Variants in AGO2 observed in about 807,000 individuals in gnomAD.
AGO2 encodes the protein argonaute RISC catalytic component 2.
A neutral mutation model predicts 102.3 loss-of-function variants in AGO2; 5 were observed. That is an observed-to-expected ratio of 0.05 (90% CI 0.03 to 0.10). The LOEUF (loss-of-function observed/expected upper bound fraction) is 0.10, where lower values mean the gene tolerates loss of function less well. AGO2 is among the 10% of genes least tolerant of loss of function. The probability of loss-of-function intolerance (pLI) is 1.00; values close to 1 mark genes in which losing one functional copy is unlikely to be tolerated. For synonymous variants in AGO2, 449 were observed against 473.1 expected (o/e 0.95, Z 0.66); for missense variants, 541 against 1,183.7 (o/e 0.46, Z 7.97).
At chr8:140,548,330 A>T (rs1400764408) in intron 12 of AGO2, among the ~76,000 whole-genome samples, 4 of 151,812 alleles carry the variant, frequency 2.6e-5, no homozygotes, top group Non-Finnish European at 5.9e-5. Flanking sequence ...AAAAAAAAAA[A>T]AAAGGAAAAG....
intron 10 of AGO2, 23 bp from the exon 11 acceptor site, chr8:140,551,459 G>A (rs779916623): frequency 6.6e-7 from 1 of 1,505,640 alleles, no homozygotes; most frequent in South Asian, 1.3e-5. Context: ...AAAGGTTCAG[G>A]GTGAGAAAAA....
In AGO2 at chr8:140,567,477, C is replaced by T. The variant is rs142346970; in HGVS notation, c.337-4843G>A. ...GGTCACTCCCAGCCCTGCTGCCTCC[C>T]GTGTTCTAACCTCGGGCAGGTGGCT... On this transcript the variant is annotated intron_variant, in intron 3 of 18. Transcript: ENST00000220592. The surrounding 1 kb of genome is among the most constrained non-coding windows in gnomAD (Gnocchi z 5.0). Among the ~76,000 whole-genome samples, 110 of 152,354 alleles carry T rather than the reference C, an allele frequency of 7.2e-4. 1 individual carries two copies. The East Asian group carries it at 0.021, about 29-fold the overall frequency.
chr8:140,606,496 A>C (rs1349734191), intron 1 of AGO2, among the ~76,000 whole-genome samples: 1 of 152,248 alleles, frequency 6.6e-6, no homozygotes, highest in Non-Finnish European at 1.5e-5. Flanking sequence ...GAACCTCTCC[A>C]CAGCATTAAG....
chr8:140,574,470 C>T (rs2073434845), intron 2 of AGO2, among the ~76,000 whole-genome samples: 1 of 152,036 alleles, frequency 6.6e-6, no homozygotes. Flanking sequence ...CCTTATGTTG[C>T]TCAGGCTGGT....
At position 140,557,578 on chromosome 8, in the gene AGO2, T is replaced by C. The variant is rs2073119563; in HGVS notation, c.879-342A>G. On this transcript the variant is annotated intron_variant, in intron 7 of 18. Coordinates refer to ENST00000220592, the MANE Select transcript of AGO2 (RefSeq NM_012154.5). The surrounding 1 kb of genome is among the most constrained non-coding windows in gnomAD (Gnocchi z 5.9). ...AGACCGTGGTGACCCTGGAAGCCTT[T>C]TACGTGCCGCGCGCTCCCGGTGCCC... Among the ~76,000 whole-genome samples, 1 of 152,176 alleles carries C rather than the reference T, an allele frequency of 6.6e-6. No homozygotes were observed. The highest frequency in any genetic ancestry group is 6.5e-5 in the Admixed American group (1 of 15,282).
chr8:140,555,865 A>G, intron 10 of AGO2, 31 bp downstream of exon 10: 1 of 1,604,532 alleles, frequency 6.2e-7, no homozygotes, highest in Non-Finnish European at 8.5e-7. Context: ...CATGCCCCGC[A>G]GCCACACGTT....
In AGO2 at chr8:140,568,287, G is replaced by GGAAAAAA. The variant is rs545519047; in HGVS notation, c.336+4524_336+4525insTTTTTTC. Among the ~76,000 whole-genome samples, 3 of 132,076 alleles carry GGAAAAAA rather than the reference G, an allele frequency of 2.3e-5. 1 individual carries two copies. The highest frequency in any genetic ancestry group is 9.1e-5 in the African/African-American group (3 of 32,800). The allele number at this position is 132,076 out of a possible 152,430, so 86.6% of individuals were successfully genotyped here. On this transcript the variant is annotated intron_variant, in intron 3 of 18. Coordinates refer to ENST00000220592, the MANE Select transcript of AGO2 (RefSeq NM_012154.5). ...TGACAGAGCGAGACCATGTCTGGGG[G>GGAAAAAA]AAAAAAAAAAAAAGAGAGAGCACAA...
chr8:140,572,697 TCTC>T (rs2073398886), intron 3 of AGO2, 112 bp downstream of exon 3: 2 of 1,423,182 alleles, frequency 1.4e-6, no homozygotes, highest in African/African-American at 1.4e-5. Flanking sequence ...TGAACTGCTC[TCTC>T]CTCCTCAGTG....
At chr8:140,613,827 G>C (rs2074108894) in intron 1 of AGO2, among the ~76,000 whole-genome samples, 1 of 150,654 alleles carries the variant, frequency 6.6e-6, no homozygotes, top group Non-Finnish European at 1.5e-5. Context: ...ACCAGCCTGG[G>C]CAACACAGAG....
At chr8:140,608,518 C>G (rs2074034246) in intron 1 of AGO2, among the ~76,000 whole-genome samples, 1 of 152,252 alleles carries the variant, frequency 6.6e-6, no homozygotes, top group African/African-American at 2.4e-5. Flanking sequence ...CTGCCCGCAG[C>G]CGGCAGGCAG....
At chr8:140,628,504 T>C (rs1406398695) in intron 1 of AGO2, among the ~76,000 whole-genome samples, 1 of 152,220 alleles carries the variant, frequency 6.6e-6, no homozygotes, top group African/African-American at 2.4e-5. Context: ...CAGATGCTTC[T>C]GAGAAATGCT....
intron 1 of AGO2, chr8:140,592,011 T>C (rs929049934): frequency 6.6e-6 from 1 of 152,108 alleles, no homozygotes; most frequent in Non-Finnish European, 1.5e-5. Flanking sequence ...TCCCAGCTAT[T>C]TGGGAGGCTG....
upstream of AGO2, among the ~76,000 whole-genome samples, chr8:140,638,702 G>A (rs1406237311): frequency 6.6e-6 from 1 of 152,080 alleles, no homozygotes; most frequent in Non-Finnish European, 1.5e-5. Flanking sequence ...AGCCTCCTGA[G>A]CAGCTGGGAC....
intron 1 of AGO2, among the ~76,000 whole-genome samples, chr8:140,615,154 G>C (rs866816563): frequency 3.9e-5 from 6 of 152,350 alleles, no homozygotes; most frequent in Middle Eastern, 3.4e-3. Flanking sequence ...GGGAGGCTGA[G>C]ATGGGAGGAT....
intron 2 of AGO2, among the ~76,000 whole-genome samples, chr8:140,580,686 C>T (rs2073543676): frequency 6.6e-6 from 1 of 152,232 alleles, no homozygotes; most frequent in South Asian, 2.1e-4. Context: ...GAAGGTGGGT[C>T]ATGGGAGGAG....
chr8:140,578,677 AAGAG>A (rs1258770830), intron 2 of AGO2, among the ~76,000 whole-genome samples: 4 of 152,206 alleles, frequency 2.6e-5, no homozygotes, highest in African/African-American at 9.6e-5. Context: ...CCCAGCCTCT[AAGAG>A]AGTGACCCAT....
chr8:140,613,976 A>G (rs2074110470), intron 1 of AGO2, among the ~76,000 whole-genome samples: 1 of 138,148 alleles, frequency 7.2e-6, no homozygotes, highest in African/African-American at 2.7e-5. Flanking sequence ...GATCATCCCC[A>G]ACGCACTCCA....
At chr8:140,574,554 G>A (rs965355797) in intron 2 of AGO2, among the ~76,000 whole-genome samples, 6 of 152,100 alleles carry the variant, frequency 3.9e-5, no homozygotes, top group Non-Finnish European at 1.5e-5. Flanking sequence ...ATGAGTCACT[G>A]TGCCCAGCTC....
intron 13 of AGO2, among the ~76,000 whole-genome samples, chr8:140,545,830 A>T (rs550016082): frequency 4.6e-5 from 7 of 152,278 alleles, no homozygotes; most frequent in Non-Finnish European, 2.9e-5. Flanking sequence ...TCTCGGCTTC[A>T]CGGAGCCAGA....
Sources: gnomAD v4.1 joint callset for allele counts (sites outside exome capture counted in the v4.1 genomes callset) on GRCh38, gnomAD v4.1.1 for gene constraint, Gnocchi (gnomAD v3.1) non-coding constraint, MANE v1.5 for transcripts, NCBI Gene and HGNC (gene_info 2026-07-23, HGNC 2026-07-21) for gene names.